The following RGS6 variants were observed in gnomAD, a reference collection of about 807,000 sequenced individuals.
RGS6 encodes the protein regulator of G protein signaling 6.
RGS6 carries 30 observed loss-of-function variants against 78.5 expected under a neutral mutation model. The ratio of observed to expected loss-of-function variants is 0.38; its 90% confidence interval spans 0.29 to 0.52. The LOEUF (loss-of-function observed/expected upper bound fraction) is 0.52. Ranked by LOEUF, RGS6 falls within the 20% of genes least tolerant of loss-of-function variation. The pLI is 0.85. For missense variants in RGS6, 495 were observed against 609.7 expected, an observed-to-expected ratio of 0.81 and a Z score of 1.98; for synonymous variants, 206 against 206.0, an observed-to-expected ratio of 1.00 and a Z score of 0.00.
At chr14:72,594,607 C>T in the RGS6 span, 2 of 152,116 alleles carry the variant, frequency 1.3e-5, no homozygotes, top group Non-Finnish European at 2.9e-5. Context: ...GCTGGTTACC[C>T]GAAAGCCTTG....
intron 2 of RGS6, among the ~76,000 whole-genome samples, chr14:72,123,889 T>A (rs540692185): frequency 2.4e-4 from 37 of 152,334 alleles, no homozygotes; most frequent in African/African-American, 7.9e-4. Flanking sequence ...ATCACAGCTG[T>A]TCCCTGTCCC....
chr14:71,991,892 A>C (rs2094968551), intron 2 of RGS6, among the ~76,000 whole-genome samples: 1 of 152,252 alleles, frequency 6.6e-6, no homozygotes, highest in African/African-American at 2.4e-5. Flanking sequence ...TTATAAGTGC[A>C]GAAGCATTCA....
intron 2 of RGS6, among the ~76,000 whole-genome samples, chr14:72,322,067 G>A (rs952659628): frequency 3.3e-5 from 5 of 151,864 alleles, no homozygotes; most frequent in Admixed American, 6.5e-5. Flanking sequence ...CTCAACTAAA[G>A]CATTTGCTCA....
intron 2 of RGS6, among the ~76,000 whole-genome samples, chr14:72,148,463 A>G (rs2096638392): frequency 6.6e-6 from 1 of 152,226 alleles, no homozygotes; most frequent in Admixed American, 6.5e-5. Context: ...AGCAGTAAAC[A>G]TGAAGGGAAC....
intron 2 of RGS6, among the ~76,000 whole-genome samples, chr14:72,018,808 A>G (rs1270836890): frequency 1.3e-5 from 2 of 152,122 alleles, no homozygotes; most frequent in Admixed American, 1.3e-4. Context: ...GTCACTCTCT[A>G]AGGGGAGTGA....
intron 2 of RGS6, among the ~76,000 whole-genome samples, chr14:72,004,300 T>C (rs373153808): frequency 6.6e-6 from 1 of 152,192 alleles, no homozygotes; most frequent in Non-Finnish European, 1.5e-5. Flanking sequence ...GAATGGATGG[T>C]GCACCTGGGT....
intron 2 of RGS6, among the ~76,000 whole-genome samples, chr14:72,039,919 A>C (rs1445154805): frequency 2.0e-5 from 3 of 150,952 alleles, no homozygotes; most frequent in Admixed American, 6.6e-5. Flanking sequence ...ATTACAAAAA[A>C]CATCTTATAG....
intron 2 of RGS6, among the ~76,000 whole-genome samples, chr14:72,302,197 C>T (rs2066219173): frequency 6.6e-6 from 1 of 152,196 alleles, no homozygotes; most frequent in Non-Finnish European, 1.5e-5. Flanking sequence ...ATAGCTGCTG[C>T]CATTTATTGA....
chr14:72,133,282 CA>C (rs1372911974), intron 2 of RGS6, among the ~76,000 whole-genome samples: 1 of 152,034 alleles, frequency 6.6e-6, no homozygotes, highest in Non-Finnish European at 1.5e-5. Context: ...CCAATTCCTT[CA>C]ATTTTTTTTT....
chr14:72,271,609 A>G (rs1770099368), intron 2 of RGS6, among the ~76,000 whole-genome samples: 1 of 152,214 alleles, frequency 6.6e-6, no homozygotes, highest in Admixed American at 6.5e-5. Context: ...CAGCATTTTA[A>G]CCTGCGATGG....
chr14:71,955,792 C>G (rs372776123), intron 1 of RGS6, among the ~76,000 whole-genome samples: 1 of 151,618 alleles, frequency 6.6e-6, no homozygotes, highest in Admixed American at 6.6e-5. Context: ...ACTTAGAATG[C>G]GTAACTCTCT....
intron 2 of RGS6, among the ~76,000 whole-genome samples, chr14:72,305,296 C>T (rs1457968554): frequency 3.3e-5 from 5 of 152,088 alleles, no homozygotes; most frequent in African/African-American, 1.2e-4. Flanking sequence ...TTTGTGGATT[C>T]TAGTGTTGGG....
chr14:72,623,079 A>G, the RGS6 span, among the ~76,000 whole-genome samples: 1 of 152,256 alleles, frequency 6.6e-6, no homozygotes, highest in Non-Finnish European at 1.5e-5. Context: ...GAAAACATAT[A>G]TACTTGTTAC....
intron 2 of RGS6, among the ~76,000 whole-genome samples, chr14:72,203,827 T>C (rs930741997): frequency 7.1e-6 from 1 of 140,896 alleles, no homozygotes; most frequent in Non-Finnish European, 1.6e-5. Context: ...CTTTCTTTTT[T>C]TTTTTTTTTT....
At chr14:72,146,746 A>G (rs545251420) in intron 2 of RGS6, among the ~76,000 whole-genome samples, 13 of 152,266 alleles carry the variant, frequency 8.5e-5, no homozygotes, top group Non-Finnish European at 1.3e-4. Context: ...CATTCTTTAC[A>G]TGGCCAGGCT....
intron 1 of RGS6, among the ~76,000 whole-genome samples, chr14:71,951,458 G>A (rs748771231): frequency 1.3e-5 from 2 of 152,034 alleles, no homozygotes; most frequent in African/African-American, 4.8e-5. Flanking sequence ...ATACATGCTG[G>A]GCTTAATACT....
intron 2 of RGS6, among the ~76,000 whole-genome samples, chr14:72,059,061 G>A (rs1447176148): frequency 6.6e-6 from 1 of 151,974 alleles, no homozygotes; most frequent in Admixed American, 6.6e-5. Context: ...CACCATGCCT[G>A]GCTAATTTTT....
upstream of RGS6, among the ~76,000 whole-genome samples, chr14:71,930,885 G>A (rs757094938): frequency 1.2e-4 from 18 of 148,304 alleles, no homozygotes. Flanking sequence ...GCTGAGGCAG[G>A]AGAATCGCTT....
chr14:72,241,677 C>T (rs2153825559), intron 2 of RGS6, among the ~76,000 whole-genome samples: 1 of 152,194 alleles, frequency 6.6e-6, no homozygotes, highest in Admixed American at 6.5e-5. Context: ...TTTGTCCTTG[C>T]AAATAATAGA....
Sources: gnomAD v4.1 joint callset for allele counts (sites outside exome capture counted in the v4.1 genomes callset) on GRCh38, gnomAD v4.1.1 for gene constraint, MANE v1.5 for transcripts, NCBI Gene and HGNC (gene_info 2026-07-23, HGNC 2026-07-21) for gene names.